Variants in PCGF5 observed in about 807,000 individuals in gnomAD.
PCGF5 encodes polycomb group RING finger protein 5.
PCGF5 carries 9 observed loss-of-function variants against 44.3 expected under a neutral mutation model. That is an observed-to-expected ratio of 0.20 (90% CI 0.12 to 0.35). The LOEUF is 0.35. Among genes scored for constraint, PCGF5 ranks in the 10% least tolerant of loss-of-function variants. PCGF5 has a pLI of 1.00. For synonymous variants in PCGF5, 95 were observed against 102.5 expected (o/e 0.93, Z 0.44); for missense variants, 146 against 305.3 (o/e 0.48, Z 3.89).
chr10:91,180,970 T>C (rs1843807125), intron 1 of PCGF5, among the ~76,000 whole-genome samples: 1 of 152,266 alleles, frequency 6.6e-6, no homozygotes, highest in Admixed American at 6.5e-5. Flanking sequence ...TATTGATTCT[T>C]CCTATCTATG....
chr10:91,163,820 C>T (rs1175297425), intron 1 of PCGF5, among the ~76,000 whole-genome samples: 2 of 145,750 alleles, frequency 1.4e-5, no homozygotes, highest in African/African-American at 5.0e-5. Context: ...GGGCGCTGCC[C>T]GCGCGCGTGC....
At chr10:91,167,059 TCTC>T (rs2133160145) in intron 1 of PCGF5, among the ~76,000 whole-genome samples, 1 of 152,164 alleles carries the variant, frequency 6.6e-6, no homozygotes, top group Non-Finnish European at 1.5e-5. Flanking sequence ...AATATACAGT[TCTC>T]CTGCAATTTT....
At chr10:91,208,408 C>T (rs1280128015) in intron 1 of PCGF5, among the ~76,000 whole-genome samples, 2 of 152,118 alleles carry the variant, frequency 1.3e-5, no homozygotes, top group East Asian at 1.9e-4. Flanking sequence ...CATTTTTAGT[C>T]CATTCACAGT....
At chr10:91,206,539 A>C (rs1270055601) in intron 1 of PCGF5, among the ~76,000 whole-genome samples, 2 of 152,200 alleles carry the variant, frequency 1.3e-5, no homozygotes, top group Non-Finnish European at 2.9e-5. Context: ...CAGTGCACTT[A>C]GGAGAGTACA....
chr10:91,219,336 T>C (rs1214940508), upstream of PCGF5, among the ~76,000 whole-genome samples: 1 of 152,256 alleles, frequency 6.6e-6, no homozygotes, highest in Non-Finnish European at 1.5e-5. Flanking sequence ...TCCACTGTTA[T>C]TCTTTTAAAA....
intron 1 of PCGF5, among the ~76,000 whole-genome samples, chr10:91,188,329 C>G (rs1158325432): frequency 1.3e-5 from 2 of 152,066 alleles, no homozygotes; most frequent in Non-Finnish European, 2.9e-5. Context: ...CAGACAGTAC[C>G]TGGAAAAGCA....
At chr10:91,223,987 A>C (rs1362556300) in intron 2 of PCGF5, among the ~76,000 whole-genome samples, 1 of 152,154 alleles carries the variant, frequency 6.6e-6, no homozygotes, top group South Asian at 2.1e-4. Flanking sequence ...TTTTTCAGCT[A>C]TTCTTGCTCT....
chr10:91,212,567 A>G (rs998198869), intron 1 of PCGF5, among the ~76,000 whole-genome samples: 5 of 152,214 alleles, frequency 3.3e-5, no homozygotes, highest in Admixed American at 1.3e-4. Flanking sequence ...AGGCTACTCT[A>G]CTGACAGGAA....
intron 1 of PCGF5, among the ~76,000 whole-genome samples, chr10:91,167,102 C>G (rs1386647441): frequency 6.6e-6 from 1 of 152,092 alleles, no homozygotes; most frequent in Non-Finnish European, 1.5e-5. Context: ...ATCCTTGATC[C>G]AACAAAAACT....
chr10:91,190,291 C>T lies in PCGF5; in HGVS notation c.-184+27210C>T, dbSNP rs148973781. Among the ~76,000 whole-genome samples, 232 of 152,310 alleles carry T rather than the reference C, an allele frequency of 1.5e-3. 3 individuals carry two copies. The highest frequency in any genetic ancestry group is 5.4e-3 in the African/African-American group (223 of 41,564). Reference sequence around the variant, plus strand: ...AGGTCTGACCTCTTAATCCCATCACCTTGGGGGTTAAGATTTCAACATATG... The same window carrying T: ...AGGTCTGACCTCTTAATCCCATCACTTTGGGGGTTAAGATTTCAACATATG... On this transcript the variant is annotated intron_variant, in intron 1 of 9. Coordinates refer to the PCGF5 transcript ENST00000614189.
chr10:91,260,934 A>G (rs1845892097), intron 6 of PCGF5, among the ~76,000 whole-genome samples: 1 of 151,682 alleles, frequency 6.6e-6, no homozygotes, highest in Non-Finnish European at 1.5e-5. Context: ...CGTTGTGCAC[A>G]TGTACCCTAA....
Position 91,227,695 on chromosome 10 carries a change from T to C in PCGF5, c.112+4712T>C, listed in dbSNP as rs1409987471. 13 of 1,049,382 alleles carry C rather than the reference T, an allele frequency of 1.2e-5. No individual in the cohort carries two copies. The South Asian group carries it at 2.2e-4, about 17-fold the overall frequency. The allele number at this position is 1,049,382 out of a possible 1,614,324, so 65.0% of individuals were successfully genotyped here. On this transcript the variant is annotated intron_variant, in intron 2 of 9. Transcript: ENST00000336126. ...AACCCACCCTAAAATTTCCTAAAGGTATCCCGTTGACCTCAGGATACATTA... is the reference window on the plus strand; with the variant it reads ...AACCCACCCTAAAATTTCCTAAAGGCATCCCGTTGACCTCAGGATACATTA...
rs147943858 is a variant in PCGF5, at chr10:91,229,431, A to G, written c.112+6448A>G. Among the ~76,000 whole-genome samples, 532 of 152,306 alleles carry G rather than the reference A, an allele frequency of 3.5e-3. 1 individual carries two copies. Among genetic ancestry groups the G allele is most frequent in the African/African-American group, 0.012 (488 of 41,576 alleles). ...GAAGGATCAATCTATGAAAAGGTTT[A>G]AGGGAAGAGTATTTCAGATTCTTAT... is the stretch of plus-strand genomic sequence containing the variant. On this transcript the variant is annotated intron_variant, in intron 2 of 9. Transcript: ENST00000336126.
intron 1 of PCGF5, among the ~76,000 whole-genome samples, chr10:91,195,485 T>TATAGAG (rs1197621729): frequency 2.6e-4 from 29 of 113,482 alleles, no homozygotes; most frequent in South Asian, 1.6e-3. Flanking sequence ...TATATATATA[T>TATAGAG]AGAGAGAGAG....
intron 1 of PCGF5, among the ~76,000 whole-genome samples, chr10:91,177,810 T>C (rs1359060620): frequency 6.6e-6 from 1 of 152,234 alleles, no homozygotes; most frequent in Non-Finnish European, 1.5e-5. Context: ...CTGTCACCCC[T>C]TTCCTTGGCT....
intron 2 of PCGF5, among the ~76,000 whole-genome samples, chr10:91,229,935 A>T (rs540838332): frequency 6.2e-4 from 95 of 152,268 alleles, no homozygotes; most frequent in Middle Eastern, 3.4e-3. Context: ...TTTGGCAGAA[A>T]CTAGTCATTC....
At chr10:91,184,193 A>G (rs1169207091) in intron 1 of PCGF5, among the ~76,000 whole-genome samples, 2 of 152,110 alleles carry the variant, frequency 1.3e-5, no homozygotes, top group African/African-American at 4.8e-5. Context: ...TCTTTCAGGT[A>G]TACCAGTCAG....
At chr10:91,247,826 G>C (rs946394708) in intron 3 of PCGF5, among the ~76,000 whole-genome samples, 1 of 152,180 alleles carries the variant, frequency 6.6e-6, no homozygotes, top group Admixed American at 6.5e-5. Flanking sequence ...CATATCAGCT[G>C]TTGCTGCATA....
At chr10:91,214,070 G>A (rs2133257448) in intron 1 of PCGF5, among the ~76,000 whole-genome samples, 1 of 152,260 alleles carries the variant, frequency 6.6e-6, no homozygotes, top group South Asian at 2.1e-4. Flanking sequence ...GGGAGGCCAA[G>A]GTGGGTGGAT....
Sources: allele counts gnomAD v4.1 joint callset (sites outside exome capture counted in the v4.1 genomes callset), GRCh38; gene constraint gnomAD v4.1.1; transcripts MANE v1.5; gene names NCBI Gene and HGNC (gene_info 2026-07-23, HGNC 2026-07-21).